Variants in NDRG1 observed in about 807,000 individuals in gnomAD.
The protein encoded by NDRG1 is protein NDRG1.
In NDRG1, 32 loss-of-function variants were observed where a neutral mutation model predicts 56.9. That is an observed-to-expected ratio of 0.56 (90% CI 0.42 to 0.76). The LOEUF (loss-of-function observed/expected upper bound fraction) is 0.76. Among genes scored for constraint, NDRG1 ranks in the 30% least tolerant of loss-of-function variants. The probability of loss-of-function intolerance (pLI) is 0.00; values close to 1 mark genes in which losing one functional copy is unlikely to be tolerated. For missense variants in NDRG1, 507 were observed against 545.7 expected, an observed-to-expected ratio of 0.93 and a Z score of 0.71; for synonymous variants, 211 against 204.1, an observed-to-expected ratio of 1.03 and a Z score of -0.29.
At chr8:133,239,734 T>A in intron 15 of NDRG1, 1 of 160,574 alleles carries the variant, frequency 6.2e-6, no homozygotes, top group Non-Finnish European at 1.4e-5. Flanking sequence ...TGGCACATGC[T>A]GATGGGGTAG....
chr8:133,281,165 T>C (rs1184148838), intron 2 of NDRG1: 2 of 152,076 alleles, frequency 1.3e-5, no homozygotes, highest in Non-Finnish European at 1.5e-5. Context: ...CAAGACCAGC[T>C]TGACCAGCAT....
Position 133,258,432 on chromosome 8 carries a change from A to G in NDRG1, c.390-6T>C. 6.2e-7 allele frequency: 1 copy of G among 1,607,984 alleles called. No homozygotes were observed. Among genetic ancestry groups the G allele is most frequent in the Non-Finnish European group, 8.5e-7 (1 of 1,177,050 alleles). On this transcript the variant is annotated splice_region_variant and splice_polypyrimidine_tract_variant and intron_variant, in intron 6 of 15. Coordinates refer to ENST00000323851, the MANE Select transcript of NDRG1 (RefSeq NM_006096.4). ...TGCCAATAATGCTTTTCAGCCTGGA[A>G]GCAAAAATACAAATGCATGTCACAC...
rs1407452465 is a variant in NDRG1, at chr8:133,284,817, G to GCAGACGCA, written c.-18-496_-18-489dup. 68 of 457,000 alleles carry GCAGACGCA rather than the reference G, an allele frequency of 1.5e-4. No homozygotes were observed. The Admixed American group carries it at 1.6e-3, about 11-fold the overall frequency. 28.3% of individuals were successfully genotyped at this position (457,000 alleles called of 1,614,324 possible). On this transcript the variant is annotated intron_variant, in intron 1 of 15. Coordinates refer to ENST00000323851, the MANE Select transcript of NDRG1 (RefSeq NM_006096.4). The stretch of plus-strand genomic sequence containing the variant: ...TTAGCCCTAACAGAAGGTTGGTGAT[G>GCAGACGCA]CAGACGCACAGACACACAGGCACAC...
At chr8:133,246,521 T>TGC in intron 13 of NDRG1, 95 bp downstream of exon 13, 1 of 1,224,346 alleles carries the variant, frequency 8.2e-7, no homozygotes, top group Non-Finnish European at 1.2e-6. Flanking sequence ...TCTGATCGTG[T>TGC]GCCTTGCCTT....
chr8:133,259,764 T>G (rs767369351), intron 5 of NDRG1, among the ~76,000 whole-genome samples: 1 of 152,182 alleles, frequency 6.6e-6, no homozygotes, highest in Non-Finnish European at 1.5e-5. Context: ...GGCAGGGGTC[T>G]GTGAGCAAAG....
intron 1 of NDRG1, chr8:133,296,622 T>C (rs1858780211): frequency 8.9e-6 from 4 of 447,136 alleles, no homozygotes; most frequent in Admixed American, 2.4e-5. Flanking sequence ...TCCAGCCTCC[T>C]TGCCAGCGCC....
At chr8:133,280,191 C>T (rs756162559) in intron 3 of NDRG1, 41 bp downstream of exon 3, 40 of 1,608,742 alleles carry the variant, frequency 2.5e-5, no homozygotes, top group South Asian at 5.5e-5. Flanking sequence ...AAAGAGAAGA[C>T]GGGATGAGGA....
chr8:133,251,791 T>C (rs576278187), intron 9 of NDRG1, among the ~76,000 whole-genome samples: 68 of 152,302 alleles, frequency 4.5e-4, no homozygotes, highest in African/African-American at 1.6e-3. Flanking sequence ...TTTGCAGGTG[T>C]AATTAATTAA....
intron 3 of NDRG1, among the ~76,000 whole-genome samples, chr8:133,276,981 C>T (rs1299998638): frequency 1.3e-5 from 2 of 152,312 alleles, no homozygotes; most frequent in East Asian, 1.9e-4. Flanking sequence ...ATACATACAA[C>T]AGAATATGAT....
chr8:133,260,534 T>G lies in NDRG1; in HGVS notation c.327-1304A>C, dbSNP rs143727827. ...GGGTGGGGCTCAGGCCTCAGAATAT[T>G]TGTAAAACTTCACCAGGGGGAACTA... is the stretch of plus-strand genomic sequence containing the variant. On this transcript the variant is annotated intron_variant, in intron 5 of 15. Transcript: ENST00000323851. Among the ~76,000 whole-genome samples, 999 of 152,236 alleles carry G rather than the reference T, an allele frequency of 6.6e-3. 5 individuals carry two copies. The highest frequency in any genetic ancestry group is 0.011 in the Admixed American group (168 of 15,296).
intron 3 of NDRG1, among the ~76,000 whole-genome samples, chr8:133,277,853 G>T (rs1157921211): frequency 6.6e-6 from 1 of 152,154 alleles, no homozygotes; most frequent in Non-Finnish European, 1.5e-5. Flanking sequence ...CAAGCCTGGA[G>T]CACTGTCTCC....
At chr8:133,274,669 A>G (rs2130772705) in intron 3 of NDRG1, among the ~76,000 whole-genome samples, 5 of 152,328 alleles carry the variant, frequency 3.3e-5, no homozygotes, top group Admixed American at 3.3e-4. Flanking sequence ...TGCTTAGATT[A>G]TCTGCTTGGC....
chr8:133,242,824 A>C (rs1855460763), intron 14 of NDRG1, among the ~76,000 whole-genome samples: 2 of 152,194 alleles, frequency 1.3e-5, no homozygotes, highest in African/African-American at 4.8e-5. Context: ...CAAAAGAAGG[A>C]CAAATAAAAG....
chr8:133,282,651 C>T (rs1857876538), intron 2 of NDRG1, among the ~76,000 whole-genome samples: 1 of 152,224 alleles, frequency 6.6e-6, no homozygotes, highest in African/African-American at 2.4e-5. Flanking sequence ...TAGGGGTTGG[C>T]ACACTGCAAT....
chr8:133,245,991 G>A (rs905616623), intron 13 of NDRG1, among the ~76,000 whole-genome samples: 4 of 152,322 alleles, frequency 2.6e-5, no homozygotes, highest in South Asian at 2.1e-4. Context: ...CCCCCAGTGC[G>A]AGGGAGCCGC....
chr8:133,261,483 TTGTCTGGAAA>T (rs1431771657), intron 5 of NDRG1, among the ~76,000 whole-genome samples: 2 of 152,166 alleles, frequency 1.3e-5, no homozygotes, highest in Admixed American at 1.3e-4. Context: ...CTCAATATGT[TTGTCTGGAAA>T]ATGGAGCTAA....
intron 1 of NDRG1, among the ~76,000 whole-genome samples, chr8:133,293,547 C>T (rs147178922): frequency 1.3e-5 from 2 of 152,314 alleles, no homozygotes; most frequent in Non-Finnish European, 2.9e-5. Flanking sequence ...TGATGTGATG[C>T]ATTGAACCTC....
chr8:133,262,212 GA>G, intron 4 of NDRG1, 45 bp from the exon 5 acceptor site: 1 of 1,611,778 alleles, frequency 6.2e-7, no homozygotes, highest in South Asian at 1.1e-5. Context: ...AGTAAGATGA[GA>G]AAAAAATTAG....
At chr8:133,253,487 G>A (rs1856187229) in intron 9 of NDRG1, among the ~76,000 whole-genome samples, 1 of 152,216 alleles carries the variant, frequency 6.6e-6, no homozygotes, top group African/African-American at 2.4e-5. Flanking sequence ...CAGAGCACCT[G>A]GGTGGAATCC....
Sources: gnomAD v4.1 joint callset for allele counts (sites outside exome capture counted in the v4.1 genomes callset) on GRCh38, gnomAD v4.1.1 for gene constraint, MANE v1.5 for transcripts, NCBI Gene and HGNC (gene_info 2026-07-23, HGNC 2026-07-21) for gene names.